GSG1L: variants seen among roughly 807,000 people sequenced by gnomAD.
GSG1L encodes germ cell-specific gene 1-like protein.
Under a neutral mutation model 42.1 loss-of-function variants are expected in GSG1L, and 24 were observed. The ratio of observed to expected loss-of-function variants is 0.57; its 90% CI spans 0.41 to 0.80. GSG1L has a LOEUF of 0.80. GSG1L is among the 30% of genes least tolerant of loss of function. GSG1L has a pLI of 0.00. For missense variants in GSG1L, 445 were observed against 472.2 expected (o/e 0.94, Z 0.53); for synonymous variants, 215 against 203.5 (o/e 1.06, Z -0.48).
intron 3 of GSG1L, among the ~76,000 whole-genome samples, chr16:27,872,951 T>C (rs1207521002): frequency 2.0e-5 from 3 of 152,244 alleles, no homozygotes; most frequent in African/African-American, 7.2e-5. Flanking sequence ...CCCATACCAC[T>C]GCTCTGCCTA....
intron 2 of GSG1L, among the ~76,000 whole-genome samples, chr16:27,892,683 G>A (rs917679185): frequency 3.3e-5 from 5 of 151,836 alleles, no homozygotes; most frequent in African/African-American, 4.8e-5. Flanking sequence ...TCAGCTACTC[G>A]GGAGGCTGAG....
chr16:28,015,561 T>C (rs1353274577), intron 1 of GSG1L, among the ~76,000 whole-genome samples: 4 of 152,206 alleles, frequency 2.6e-5, no homozygotes, highest in Non-Finnish European at 5.9e-5. Context: ...AACCCCATTG[T>C]AGAACATCAG....
rs190497257 is a variant in GSG1L at position 27,840,631 on chromosome 16, G to A, written c.662+4319C>T. Among the ~76,000 whole-genome samples, 326 of 152,286 alleles carry A rather than the reference G, an allele frequency of 2.1e-3. 1 individual carries two copies. The highest frequency in any genetic ancestry group is 2.7e-3 in the Non-Finnish European group (186 of 68,024). ...TGTCTCCAAAGCTGGCCTCCAGGGA[G>A]CCACACCTCCCGCGGTTCATGCCTC... On this transcript the variant is annotated intron_variant, in intron 4 of 6. Coordinates refer to ENST00000447459, the MANE Select transcript of GSG1L (RefSeq NM_001109763.2).
At chr16:28,031,492 T>C (rs992490056) in intron 1 of GSG1L, among the ~76,000 whole-genome samples, 1 of 152,096 alleles carries the variant, frequency 6.6e-6, no homozygotes, top group Non-Finnish European at 1.5e-5. Context: ...CTCATAATGA[T>C]AACCACACCC....
rs143743965 is a variant in GSG1L, at chr16:27,925,992, G to A, written c.397+37164C>T. On this transcript the variant is annotated intron_variant, in intron 2 of 6. Coordinates refer to ENST00000447459, the MANE Select transcript of GSG1L (RefSeq NM_001109763.2). ...GAAAAAATTAGCTGAATGAAATGGCGAGTACATGGTAAAATTTGGGAAGCG... is the reference window on the plus strand; with the variant it reads ...GAAAAAATTAGCTGAATGAAATGGCAAGTACATGGTAAAATTTGGGAAGCG... Among the ~76,000 whole-genome samples, 703 of 152,322 alleles carry A rather than the reference G, an allele frequency of 4.6e-3. 3 individuals carry two copies. The highest frequency in any genetic ancestry group is 6.8e-3 in the Non-Finnish European group (463 of 68,020).
At chr16:27,922,343 A>G (rs575298221) in intron 2 of GSG1L, among the ~76,000 whole-genome samples, 14 of 152,294 alleles carry the variant, frequency 9.2e-5, no homozygotes, top group Admixed American at 8.5e-4. Context: ...ACATAACTAC[A>G]AAATATTCCC....
At chr16:27,803,782 TATATATATATATAGATAG>T (rs1405935850) in intron 6 of GSG1L, among the ~76,000 whole-genome samples, 8 of 71,296 alleles carry the variant, frequency 1.1e-4, no homozygotes, top group African/African-American at 4.8e-4. Flanking sequence ...TATATATATA[TATATATATATATAGATAG>T]ATAGATATAG....
chr16:27,896,112 G>A (rs921342414), intron 2 of GSG1L, among the ~76,000 whole-genome samples: 1 of 152,188 alleles, frequency 6.6e-6, no homozygotes, highest in Non-Finnish European at 1.5e-5. Context: ...ACATAGGAGT[G>A]TAAGGAGCAC....
intron 6 of GSG1L, among the ~76,000 whole-genome samples, chr16:27,799,755 A>G (rs2082861909): frequency 6.6e-6 from 1 of 152,096 alleles, no homozygotes; most frequent in African/African-American, 2.4e-5. Context: ...ACTGGGGAAG[A>G]CATGATCAAG....
intron 3 of GSG1L, among the ~76,000 whole-genome samples, chr16:27,845,417 T>C (rs2083432178): frequency 6.6e-6 from 1 of 152,166 alleles, no homozygotes; most frequent in Non-Finnish European, 1.5e-5. Context: ...TTCATTTTTG[T>C]AGAAATGAGC....
Position 28,059,486 on chromosome 16 carries a change from C to A in GSG1L, c.349+3590G>T, listed in dbSNP as rs2086317004. ...GTCCCCCAAGACCCCTCCACCTCCCCCCAATCTTCCCAAGCCACCCCTTTC... is the reference window on the plus strand; with the variant it reads ...GTCCCCCAAGACCCCTCCACCTCCCACCAATCTTCCCAAGCCACCCCTTTC... On this transcript the variant is annotated intron_variant, in intron 1 of 6. Transcript: ENST00000447459. The surrounding 1 kb of genome is among the most constrained non-coding windows in gnomAD (Gnocchi z 4.4). Among the ~76,000 whole-genome samples the A allele has an allele frequency of 6.6e-6, 1 of 152,042 alleles. No homozygotes were observed. The highest frequency in any genetic ancestry group is 6.5e-5 in the Admixed American group (1 of 15,274).
chr16:27,874,790 G>T (rs938862408), intron 3 of GSG1L, among the ~76,000 whole-genome samples: 1 of 152,154 alleles, frequency 6.6e-6, no homozygotes, highest in African/African-American at 2.4e-5. Context: ...GTCACCTTAA[G>T]TAGAGTGACT....
chr16:27,869,788 T>C (rs1359375607), intron 3 of GSG1L, among the ~76,000 whole-genome samples: 1 of 140,772 alleles, frequency 7.1e-6, no homozygotes, highest in Non-Finnish European at 1.6e-5. Flanking sequence ...TCTCTCTCCT[T>C]CTCTCTTTGT....
intron 5 of GSG1L, among the ~76,000 whole-genome samples, chr16:27,810,028 A>ATCAT (rs531204849): frequency 2.6e-4 from 39 of 152,274 alleles, no homozygotes; most frequent in African/African-American, 8.2e-4. Context: ...ATAATCACCA[A>ATCAT]TCATTCATTC....
intron 5 of GSG1L, among the ~76,000 whole-genome samples, chr16:27,820,862 C>A (rs1473879167): frequency 1.3e-5 from 2 of 152,136 alleles, no homozygotes. Flanking sequence ...GATCAGAGAC[C>A]CAGGCACAAC....
chr16:27,926,528 C>G (rs923850262), intron 2 of GSG1L, among the ~76,000 whole-genome samples: 1 of 151,176 alleles, frequency 6.6e-6, no homozygotes, highest in Non-Finnish European at 1.5e-5. Context: ...AACAAAAAAA[C>G]AAAAAAACAA....
intron 5 of GSG1L, among the ~76,000 whole-genome samples, chr16:27,815,616 C>T (rs1315892873): frequency 6.6e-6 from 1 of 152,210 alleles, no homozygotes; most frequent in Admixed American, 6.5e-5. Context: ...CCGGGCACCC[C>T]AGACGTGTCA....
At chr16:27,968,532 T>C (rs1400589575) in intron 1 of GSG1L, among the ~76,000 whole-genome samples, 1 of 152,182 alleles carries the variant, frequency 6.6e-6, no homozygotes, top group Non-Finnish European at 1.5e-5. Context: ...ATTAGAAGCG[T>C]GATCTACCAC....
chr16:27,978,460 AG>A (rs2085275109), intron 1 of GSG1L, among the ~76,000 whole-genome samples: 2 of 152,124 alleles, frequency 1.3e-5, no homozygotes, highest in Non-Finnish European at 2.9e-5. Flanking sequence ...TGGGAAGCCA[AG>A]GTGGGCGGAT....
Sources: allele counts gnomAD v4.1 joint callset (sites outside exome capture counted in the v4.1 genomes callset), GRCh38; gene constraint gnomAD v4.1.1; non-coding constraint Gnocchi (gnomAD v3.1); transcripts MANE v1.5; gene names NCBI Gene and HGNC (gene_info 2026-07-23, HGNC 2026-07-21).